DNAJC5B: variants seen among roughly 807,000 people sequenced by gnomAD.
DNAJC5B encodes DnaJ heat shock protein family (Hsp40) member C5 beta.
A neutral mutation model predicts 24.7 loss-of-function variants in DNAJC5B; 23 were observed. The ratio of observed to expected loss-of-function variants is 0.93; its 90% CI spans 0.67 to 1.32. The LOEUF (loss-of-function observed/expected upper bound fraction) is 1.32, where lower values mean the gene tolerates loss of function less well. Among genes scored for constraint, DNAJC5B ranks in the 40% most tolerant of loss-of-function variants. DNAJC5B has a pLI of 0.00. For missense variants in DNAJC5B, 238 were observed against 240.8 expected (o/e 0.99, Z 0.08); for synonymous variants, 101 against 90.1 (o/e 1.12, Z -0.68).
chr8:66,070,948 G>C (rs779180240), intron 3 of DNAJC5B, among the ~76,000 whole-genome samples: 24 of 152,144 alleles, frequency 1.6e-4, no homozygotes, highest in Middle Eastern at 3.2e-3. Context: ...ACAAGCAATG[G>C]GGAAAGGATT....
chr8:66,019,420 T>C (rs542599826), upstream of DNAJC5B, among the ~76,000 whole-genome samples: 7 of 152,298 alleles, frequency 4.6e-5, no homozygotes, highest in South Asian at 1.5e-3. Context: ...AAGGTGAAGT[T>C]TGTGATGGCA....
intron 5 of DNAJC5B, among the ~76,000 whole-genome samples, chr8:66,098,360 G>A (rs972077775): frequency 2.4e-4 from 36 of 152,040 alleles, no homozygotes; most frequent in African/African-American, 8.4e-4. Flanking sequence ...GTGCCACCAC[G>A]CCCAGCTAAT....
chr8:66,092,941 A>G (rs1311921594), intron 5 of DNAJC5B, among the ~76,000 whole-genome samples: 3 of 149,740 alleles, frequency 2.0e-5, no homozygotes, highest in Non-Finnish European at 4.4e-5. Flanking sequence ...AGTACCCAAT[A>G]GTTACTTTTT....
chr8:66,018,860 C>T (rs963796929), upstream of DNAJC5B, among the ~76,000 whole-genome samples: 1 of 152,158 alleles, frequency 6.6e-6, no homozygotes, highest in Non-Finnish European at 1.5e-5. Context: ...CCACAAAATC[C>T]TCCTCCATAA....
intron 3 of DNAJC5B, among the ~76,000 whole-genome samples, chr8:66,060,659 G>C (rs761207615): frequency 1.3e-5 from 2 of 152,146 alleles, no homozygotes; most frequent in African/African-American, 4.8e-5. Flanking sequence ...GCACATAAAG[G>C]ACCTTCACTC....
chr8:66,045,949 C>T (rs1348763997), intron 2 of DNAJC5B, among the ~76,000 whole-genome samples: 1 of 152,176 alleles, frequency 6.6e-6, no homozygotes, highest in Non-Finnish European at 1.5e-5. Context: ...CAACGCCAAA[C>T]CTAACATGCC....
chr8:66,051,223 C>A (rs1275386954), intron 2 of DNAJC5B, among the ~76,000 whole-genome samples: 1 of 152,160 alleles, frequency 6.6e-6, no homozygotes, highest in South Asian at 2.1e-4. Context: ...AAAAGCTCTA[C>A]ATTTGCCTGG....
chr8:66,045,342 A>G (rs1247245342), intron 2 of DNAJC5B, among the ~76,000 whole-genome samples: 1 of 152,222 alleles, frequency 6.6e-6, no homozygotes, highest in Non-Finnish European at 1.5e-5. Context: ...AGAAGATGAA[A>G]CAGACAATAA....
At chr8:66,023,297 T>C (rs1806182024) in intron 1 of DNAJC5B, among the ~76,000 whole-genome samples, 1 of 152,226 alleles carries the variant, frequency 6.6e-6, no homozygotes, top group Non-Finnish European at 1.5e-5. Context: ...GTTAGAATAT[T>C]CTAAAAGGAG....
At chr8:66,020,594 CTGTGTGTGTGTGTGTGTGTGTG>C (rs10526018), upstream of DNAJC5B, among the ~76,000 whole-genome samples, 2,135 of 132,456 alleles carry the variant, frequency 0.016, 23 homozygotes, top group South Asian at 0.031. Flanking sequence ...AATCAATACT[CTGTGTGTGTGTGTGTGTGTGTG>C]TGTGTGTGTG....
intron 3 of DNAJC5B, 103 bp downstream of exon 3, chr8:66,051,769 C>A (rs1344961016): frequency 1.2e-6 from 1 of 831,698 alleles, no homozygotes; most frequent in Non-Finnish European, 2.0e-6. Flanking sequence ...GACCAGTAAT[C>A]CAAATTTTAG....
At chr8:66,052,771 A>G (rs1421415397) in intron 3 of DNAJC5B, among the ~76,000 whole-genome samples, 3 of 152,166 alleles carry the variant, frequency 2.0e-5, no homozygotes, top group Non-Finnish European at 4.4e-5. Flanking sequence ...TGTCTTGACA[A>G]TATTTTGGGA....
At chr8:66,023,056 T>C (rs918916728) in intron 1 of DNAJC5B, among the ~76,000 whole-genome samples, 10 of 152,332 alleles carry the variant, frequency 6.6e-5, no homozygotes, top group African/African-American at 2.4e-4. Flanking sequence ...GCCTGTCGCA[T>C]ACTGCAGAAT....
At chr8:66,015,794 G>A in the DNAJC5B span, among the ~76,000 whole-genome samples, 2 of 152,180 alleles carry the variant, frequency 1.3e-5, no homozygotes, top group African/African-American at 2.4e-5. Context: ...AAAGGGAATA[G>A]TTAATGGTTT....
chr8:66,043,304 C>T (rs934313445), intron 1 of DNAJC5B, among the ~76,000 whole-genome samples, 184 bp from the exon 2 acceptor site: 2 of 152,116 alleles, frequency 1.3e-5, no homozygotes, highest in African/African-American at 2.4e-5. Flanking sequence ...GAGCTTATTT[C>T]CTTAATGGAG....
intron 1 of DNAJC5B, among the ~76,000 whole-genome samples, chr8:66,027,147 G>A (rs558482843): frequency 6.6e-6 from 1 of 152,254 alleles, no homozygotes; most frequent in African/African-American, 2.4e-5. Context: ...AGGGTAAAGG[G>A]TATCCTGCTG....
chr8:66,069,305 T>C (rs10108405), intron 3 of DNAJC5B, among the ~76,000 whole-genome samples: 6,173 of 152,116 alleles, frequency 0.041, 424 homozygotes, highest in African/African-American at 0.14. Flanking sequence ...TGACATCATA[T>C]GGTTTTTACA....
At chr8:66,035,999 G>T (rs1806476369) in intron 1 of DNAJC5B, among the ~76,000 whole-genome samples, 1 of 152,192 alleles carries the variant, frequency 6.6e-6, no homozygotes, top group African/African-American at 2.4e-5. Flanking sequence ...GCAATCAGGG[G>T]TTGTAAACGC....
rs148025551 is a variant in DNAJC5B at position 66,100,103 on chromosome 8, G to A, written c.*72G>A. 353 of 1,321,276 alleles carry A rather than the reference G, an allele frequency of 2.7e-4. 1 individual carries two copies. Among genetic ancestry groups the A allele is most frequent in the South Asian group, 8.2e-4 (60 of 72,930 alleles). 81.8% of individuals were successfully genotyped at this position (1,321,276 alleles called of 1,614,324 possible). A position where few individuals can be genotyped will look rare whatever the true frequency, so the allele number is the denominator to read the frequency against. ...TGTCTCCAGATGGTCGTAGGGGAGC[G>A]TGTGGGGCATAAAGTGCTGTGAACT... On this transcript the variant is annotated 3_prime_UTR_variant, in exon 6 of 6. Transcript: ENST00000276570.
Sources: gnomAD v4.1 joint callset for allele counts (sites outside exome capture counted in the v4.1 genomes callset) on GRCh38, gnomAD v4.1.1 for gene constraint, MANE v1.5 for transcripts, NCBI Gene and HGNC (gene_info 2026-07-23, HGNC 2026-07-21) for gene names.